Variants in NRG2 observed in about 807,000 individuals in gnomAD.
NRG2 encodes the protein neuregulin 2, also known as pro-neuregulin-2, membrane-bound isoform.
In NRG2, 27 loss-of-function variants were observed where a neutral mutation model predicts 73.9. The observed-to-expected ratio is 0.37, with a 90% CI of 0.27 to 0.50. The LOEUF (loss-of-function observed/expected upper bound fraction) is 0.50. Among genes scored for constraint, NRG2 ranks in the 20% least tolerant of loss-of-function variants. The probability of loss-of-function intolerance (pLI) is 0.96; values close to 1 mark genes in which losing one functional copy is unlikely to be tolerated. For synonymous variants in NRG2, 532 were observed against 541.0 expected (o/e 0.98, Z 0.23); for missense variants, 1,126 against 1,210.1 (o/e 0.93, Z 1.03).
intron 1 of NRG2, among the ~76,000 whole-genome samples, chr5:139,939,377 C>T (rs578221599): frequency 6.6e-5 from 10 of 151,952 alleles, no homozygotes; most frequent in Middle Eastern, 3.4e-3. Flanking sequence ...TGGGTTCAAG[C>T]GATTCTCATG....
chr5:139,917,358 C>T (rs995855141), intron 1 of NRG2, among the ~76,000 whole-genome samples: 4 of 152,126 alleles, frequency 2.6e-5, no homozygotes, highest in African/African-American at 9.7e-5. Flanking sequence ...CTCAAACGAT[C>T]CTTCCACCTC....
chr5:139,938,878 G>GGAA (rs1753067672), intron 1 of NRG2, among the ~76,000 whole-genome samples: 2 of 84,368 alleles, frequency 2.4e-5, no homozygotes, highest in South Asian at 6.0e-4. Flanking sequence ...GAGAGAGAGA[G>GGAA]AGAAGGAAAG....
At chr5:139,878,180 C>T (rs1242127029) in intron 3 of NRG2, among the ~76,000 whole-genome samples, 2 of 152,216 alleles carry the variant, frequency 1.3e-5, no homozygotes, top group Non-Finnish European at 1.5e-5. Context: ...AGCACCCCTT[C>T]GGGGAAGTGC....
chr5:139,867,753 A>G (rs1762549143), intron 4 of NRG2, among the ~76,000 whole-genome samples: 1 of 129,078 alleles, frequency 7.7e-6, no homozygotes, highest in Admixed American at 8.0e-5. Flanking sequence ...CTCTTGGAGG[A>G]AGGGAAACCT....
chr5:139,956,024 C>A (rs964583352), intron 1 of NRG2, among the ~76,000 whole-genome samples: 1 of 152,196 alleles, frequency 6.6e-6, no homozygotes, highest in Non-Finnish European at 1.5e-5. Context: ...TAGGAGCAGG[C>A]AGATGCTGAG....
At chr5:139,968,287 C>T (rs576764378) in intron 1 of NRG2, among the ~76,000 whole-genome samples, 1 of 152,332 alleles carries the variant, frequency 6.6e-6, no homozygotes, top group Admixed American at 6.5e-5. Flanking sequence ...ATGAGGCCGA[C>T]CACAGAAAGA....
chr5:139,888,742 TGTATGAC>T (rs1764032041), intron 1 of NRG2, among the ~76,000 whole-genome samples: 1 of 152,164 alleles, frequency 6.6e-6, no homozygotes, highest in Non-Finnish European at 1.5e-5. Flanking sequence ...ACTTTAAAAA[TGTATGAC>T]GTAGGCTTAC....
intron 1 of NRG2, among the ~76,000 whole-genome samples, chr5:139,941,682 T>C (rs1006077841): frequency 1.3e-5 from 2 of 152,160 alleles, no homozygotes; most frequent in African/African-American, 4.8e-5. Context: ...CAGTTGAAGG[T>C]TAGGTGGAAG....
In NRG2 at chr5:139,899,595, C is replaced by G. The variant is rs1161819512; in HGVS notation, c.701-12084G>C. Among the ~76,000 whole-genome samples the G allele has an allele frequency of 2.6e-5, 4 of 152,246 alleles. No homozygotes were observed. The East Asian group carries it at 7.7e-4, about 29-fold the overall frequency. On this transcript the variant is annotated intron_variant, in intron 1 of 9. Transcript: ENST00000361474. ...GGCTCAAGGCCTCAGTGCTACCCTC[C>G]TCTGTCAGTGTTCATGGCTCCTGTT...
chr5:139,891,416 C>G (rs892450984), intron 1 of NRG2, among the ~76,000 whole-genome samples: 1 of 152,174 alleles, frequency 6.6e-6, no homozygotes, highest in African/African-American at 2.4e-5. Context: ...CTAGTGAGAA[C>G]CTTGTGTGAC....
At chr5:139,941,244 CA>C (rs1753377983) in intron 1 of NRG2, among the ~76,000 whole-genome samples, 1 of 152,044 alleles carries the variant, frequency 6.6e-6, no homozygotes, top group Non-Finnish European at 1.5e-5. Context: ...GGCAAAAAAT[CA>C]AACATTTTTT....
intron 1 of NRG2, among the ~76,000 whole-genome samples, chr5:139,978,421 C>G (rs1038087497): frequency 2.6e-5 from 4 of 152,046 alleles, no homozygotes; most frequent in African/African-American, 9.7e-5. Context: ...GTTAGAATGG[C>G]GATCATTAAA....
chr5:139,852,322 C>T lies in NRG2; in HGVS notation c.1544+110G>A, dbSNP rs1761491857. On this transcript the variant is annotated intron_variant, in intron 8 of 9. Transcript: ENST00000361474. The surrounding 1 kb of genome is among the most constrained non-coding windows in gnomAD (Gnocchi z 4.4). ...CTAAGGTGTGCTGTGATTCCTGTGGCAAGCTCAGGGGAGGGTATTGAATAG... is the reference window on the plus strand; with the variant it reads ...CTAAGGTGTGCTGTGATTCCTGTGGTAAGCTCAGGGGAGGGTATTGAATAG... 2.9e-6 allele frequency: 4 copies of T among 1,371,300 alleles called. No individual in the cohort carries two copies. In the East Asian group the frequency reaches 9.5e-5, roughly 33 times the overall value. 84.9% of individuals were successfully genotyped at this position (1,371,300 alleles called of 1,614,324 possible).
chr5:139,848,214 CGCCA>C lies in NRG2; in HGVS notation c.2252_2255del (p.Leu751ArgfsTer14). 1 of 1,239,682 alleles carries C rather than the reference CGCCA, an allele frequency of 8.1e-7. No individual in the cohort carries two copies. The highest frequency in any genetic ancestry group is 1.6e-5 in the African/African-American group (1 of 62,974). The allele number at this position is 1,239,682 out of a possible 1,614,324, so 76.8% of individuals were successfully genotyped here. A position where few individuals can be genotyped will look rare whatever the true frequency, so the allele number is the denominator to read the frequency against. Reference sequence around the variant, plus strand: ...CCCTCGCCGCCCGTGCGCGCTGCGCCGCCAGCCCGTTGAGGCGCGAGCGGCGCCA... The same window carrying C: ...CCCTCGCCGCCCGTGCGCGCTGCGCCGCCCGTTGAGGCGCGAGCGGCGCCA... On this transcript the variant is annotated frameshift_variant, in exon 10 of 10. Coordinates refer to ENST00000361474, the MANE Select transcript of NRG2 (RefSeq NM_004883.3). LOFTEE classifies it high-confidence loss of function.
intron 1 of NRG2, among the ~76,000 whole-genome samples, chr5:139,959,803 G>A (rs1014230756): frequency 2.0e-5 from 3 of 152,116 alleles, no homozygotes; most frequent in African/African-American, 4.8e-5. Flanking sequence ...GTGAGCCACC[G>A]CGCCCAGCCG....
At chr5:140,001,264 T>A (rs770061444) in intron 1 of NRG2, among the ~76,000 whole-genome samples, 1 of 152,212 alleles carries the variant, frequency 6.6e-6, no homozygotes, top group Non-Finnish European at 1.5e-5. Flanking sequence ...GGCATATTTG[T>A]TTGTCCCTAG....
chr5:139,893,555 G>T (rs918566772), intron 1 of NRG2, among the ~76,000 whole-genome samples: 3 of 152,200 alleles, frequency 2.0e-5, no homozygotes, highest in Admixed American at 1.3e-4. Flanking sequence ...CCCCAGAGAC[G>T]AAAGGGGCAG....
chr5:139,898,853 C>T (rs1314123238), intron 1 of NRG2, among the ~76,000 whole-genome samples: 6 of 152,154 alleles, frequency 3.9e-5, no homozygotes, highest in Admixed American at 3.9e-4. Flanking sequence ...GCCTTATTTC[C>T]CCAAATATCC....
At chr5:139,994,203 CACTTTATTCT>C (rs1298486792) in intron 1 of NRG2, among the ~76,000 whole-genome samples, 3 of 152,202 alleles carry the variant, frequency 2.0e-5, no homozygotes, top group African/African-American at 7.2e-5. Context: ...TTTATTTAGT[CACTTTATTCT>C]GCTTTGTTCC....
Sources: allele counts gnomAD v4.1 joint callset (sites outside exome capture counted in the v4.1 genomes callset), GRCh38; gene constraint gnomAD v4.1.1; non-coding constraint Gnocchi (gnomAD v3.1); transcripts MANE v1.5; gene names NCBI Gene and HGNC (gene_info 2026-07-23, HGNC 2026-07-21).